Variants in NELL2 observed in about 807,000 individuals in gnomAD.
The protein encoded by NELL2 is neural EGFL like 2.
Under a neutral mutation model 109.6 loss-of-function variants are expected in NELL2, and 41 were observed. That is an observed-to-expected ratio of 0.37 (90% CI 0.29 to 0.49). NELL2 has a LOEUF of 0.49. Ranked by LOEUF, NELL2 falls within the 20% of genes least tolerant of loss-of-function variation. NELL2 has a pLI of 0.98. For missense variants in NELL2, 900 were observed against 1,008.3 expected (o/e 0.89, Z 1.45); for synonymous variants, 355 against 344.7 (o/e 1.03, Z -0.33).
chr12:44,638,397 T>A (rs1592249497), intron 13 of NELL2, among the ~76,000 whole-genome samples: 1 of 152,072 alleles, frequency 6.6e-6, no homozygotes, highest in East Asian at 1.9e-4. Flanking sequence ...TATGTAAAAG[T>A]CCTAAATATA....
chr12:44,689,151 C>T (rs1948822459), intron 12 of NELL2, among the ~76,000 whole-genome samples: 1 of 152,198 alleles, frequency 6.6e-6, no homozygotes, highest in Non-Finnish European at 1.5e-5. Context: ...TCAACACTTA[C>T]ATACTGCCAC....
chr12:44,516,100 A>G (rs1373254112), intron 19 of NELL2, among the ~76,000 whole-genome samples: 3 of 151,892 alleles, frequency 2.0e-5, no homozygotes, highest in Non-Finnish European at 4.4e-5. Flanking sequence ...TTTTTATTAT[A>G]AGCATTGTGA....
chr12:44,782,366 A>G (rs962518782), intron 3 of NELL2, among the ~76,000 whole-genome samples: 2 of 152,008 alleles, frequency 1.3e-5, no homozygotes, highest in African/African-American at 4.8e-5. Flanking sequence ...GAACAAACAT[A>G]AAATAAAAAA....
intron 2 of NELL2, among the ~76,000 whole-genome samples, chr12:44,828,582 G>A (rs1017322159): frequency 2.0e-4 from 30 of 152,232 alleles, no homozygotes; most frequent in African/African-American, 6.5e-4. Flanking sequence ...GAAATCAGAA[G>A]TATAAGCATT....
intron 15 of NELL2, among the ~76,000 whole-genome samples, chr12:44,577,580 C>G (rs913870194): frequency 4.7e-5 from 7 of 150,374 alleles, no homozygotes; most frequent in African/African-American, 1.7e-4. Flanking sequence ...CGGGTTCACA[C>G]CATTCTCCTG....
At chr12:44,905,149 T>G (rs1945705829) in intron 1 of NELL2, among the ~76,000 whole-genome samples, 1 of 152,248 alleles carries the variant, frequency 6.6e-6, no homozygotes, top group South Asian at 2.1e-4. Flanking sequence ...ATCATGTCAG[T>G]GCTTAAAAAG....
intron 1 of NELL2, among the ~76,000 whole-genome samples, chr12:44,898,758 T>G (rs1592711148): frequency 6.6e-6 from 1 of 152,138 alleles, no homozygotes; most frequent in Admixed American, 6.5e-5. Context: ...AGAATGAATT[T>G]GACAAATTGA....
intron 15 of NELL2, among the ~76,000 whole-genome samples, chr12:44,605,791 T>G (rs1406252176): frequency 6.6e-6 from 1 of 152,120 alleles, no homozygotes; most frequent in African/African-American, 2.4e-5. Flanking sequence ...AAATATTGTA[T>G]TCAGGAAGCC....
chr12:44,713,754 T>G (rs2136440057), intron 10 of NELL2, among the ~76,000 whole-genome samples: 1 of 152,038 alleles, frequency 6.6e-6, no homozygotes, highest in Middle Eastern at 3.4e-3. Context: ...ACTGGATAGC[T>G]TCTTTCAGAT....
chr12:44,596,481 T>C (rs1015050374), intron 15 of NELL2, among the ~76,000 whole-genome samples: 1 of 152,210 alleles, frequency 6.6e-6, no homozygotes, highest in Non-Finnish European at 1.5e-5. Context: ...AGGGTTATTG[T>C]AGGGATTGCA....
intron 12 of NELL2, among the ~76,000 whole-genome samples, chr12:44,667,616 G>A (rs936405322): frequency 6.6e-6 from 1 of 152,166 alleles, no homozygotes; most frequent in Non-Finnish European, 1.5e-5. Context: ...AGAGGAGCCT[G>A]GTACTCATCT....
chr12:44,864,840 G>A (rs1316409645), intron 2 of NELL2, among the ~76,000 whole-genome samples: 1 of 152,148 alleles, frequency 6.6e-6, no homozygotes, highest in African/African-American at 2.4e-5. Flanking sequence ...TTTTAACAAT[G>A]TGTCTTTATA....
intron 9 of NELL2, among the ~76,000 whole-genome samples, chr12:44,737,131 A>C (rs1388660188): frequency 6.6e-6 from 1 of 152,072 alleles, no homozygotes; most frequent in Non-Finnish European, 1.5e-5. Context: ...AATACCACAT[A>C]CTATATTAAA....
intron 19 of NELL2, among the ~76,000 whole-genome samples, chr12:44,518,411 A>AT (rs1435884694): frequency 2.0e-5 from 3 of 151,968 alleles, no homozygotes; most frequent in South Asian, 2.1e-4. Flanking sequence ...TGCCTGGCTA[A>AT]TTTTTTGTAT....
intron 15 of NELL2, among the ~76,000 whole-genome samples, chr12:44,592,624 C>G (rs138504525): frequency 6.6e-6 from 1 of 152,204 alleles, no homozygotes; most frequent in Admixed American, 6.5e-5. Context: ...GTGAGAAATA[C>G]CTACCTGGTA....
chr12:44,726,949 T>C (rs559352641), intron 9 of NELL2, among the ~76,000 whole-genome samples: 4 of 152,272 alleles, frequency 2.6e-5, no homozygotes, highest in Admixed American at 2.0e-4. Flanking sequence ...CTCAGTTGAT[T>C]TCTTTTAATT....
intron 2 of NELL2, among the ~76,000 whole-genome samples, chr12:44,821,632 T>C (rs1170625516): frequency 6.6e-6 from 1 of 152,232 alleles, no homozygotes; most frequent in African/African-American, 2.4e-5. Flanking sequence ...TAAGACCTAA[T>C]TCTGACATTG....
chr12:44,795,753 A>G (rs965684028), intron 3 of NELL2, among the ~76,000 whole-genome samples: 1 of 152,160 alleles, frequency 6.6e-6, no homozygotes, highest in Admixed American at 6.6e-5. Flanking sequence ...CTACAGTGGT[A>G]GAGCCAAAAT....
chr12:44,831,394 T>C (rs761333379), intron 2 of NELL2, among the ~76,000 whole-genome samples: 2 of 152,138 alleles, frequency 1.3e-5, no homozygotes, highest in African/African-American at 2.4e-5. Context: ...ACTGAGTATA[T>C]AGTAAATATT....
Sources: gnomAD v4.1 joint callset for allele counts (sites outside exome capture counted in the v4.1 genomes callset) on GRCh38, gnomAD v4.1.1 for gene constraint, MANE v1.5 for transcripts, NCBI Gene and HGNC (gene_info 2026-07-23, HGNC 2026-07-21) for gene names.